SAE1: variants seen among roughly 807,000 people sequenced by gnomAD.
SAE1 encodes the protein SUMO-activating enzyme subunit 1.
A neutral mutation model predicts 40.6 loss-of-function variants in SAE1; 11 were observed. That is an observed-to-expected ratio of 0.27 (90% confidence interval 0.17 to 0.45). The LOEUF (loss-of-function observed/expected upper bound fraction) is 0.45. Ranked by LOEUF, SAE1 falls within the 20% of genes least tolerant of loss-of-function variation. SAE1 has a pLI of 1.00. For synonymous variants in SAE1, 155 were observed against 154.3 expected, an observed-to-expected ratio of 1.00 and a Z score of -0.03; for missense variants, 373 against 427.3, an observed-to-expected ratio of 0.87 and a Z score of 1.12.
At chr19:47,174,534 T>A (rs1218097061) in intron 6 of SAE1, among the ~76,000 whole-genome samples, 1 of 150,848 alleles carries the variant, frequency 6.6e-6, no homozygotes, top group East Asian at 1.9e-4. Flanking sequence ...GTAGCTGGGA[T>A]TACAGGCATA....
At chr19:47,185,330 CAG>C (rs1181514543) in intron 6 of SAE1, among the ~76,000 whole-genome samples, 3 of 151,638 alleles carry the variant, frequency 2.0e-5, no homozygotes, top group African/African-American at 4.9e-5. Context: ...ATTTTTGAGA[CAG>C]AGTCTTGCTC....
rs75776615 is a variant in SAE1, at chr19:47,183,865, C to T, written c.734-13368C>T. On this transcript the variant is annotated intron_variant, in intron 6 of 8. Transcript: ENST00000270225. ...TGCTGGGCTGGAGACAAGACCCTCT[C>T]TCCCTGCTGCTTGTGACCAGGCAGG... Among the ~76,000 whole-genome samples the T allele has an allele frequency of 1.6e-3, 250 of 152,342 alleles. 1 individual carries two copies. The highest frequency in any genetic ancestry group is 5.4e-3 in the African/African-American group (223 of 41,592).
intron 7 of SAE1, among the ~76,000 whole-genome samples, chr19:47,200,715 C>T (rs907888520): frequency 6.6e-5 from 10 of 152,110 alleles, no homozygotes; most frequent in African/African-American, 2.2e-4. Flanking sequence ...CTTGCCACCT[C>T]TTTTTGTAAA....
At chr19:47,159,208 A>G (rs1190575111) in intron 5 of SAE1, among the ~76,000 whole-genome samples, 1 of 152,230 alleles carries the variant, frequency 6.6e-6, no homozygotes, top group East Asian at 1.9e-4. Context: ...TTCATGAATT[A>G]GTTGAGAAAT....
chr19:47,161,115 C>A (rs1332540413), intron 5 of SAE1, among the ~76,000 whole-genome samples: 1 of 152,128 alleles, frequency 6.6e-6, no homozygotes, highest in Non-Finnish European at 1.5e-5. Context: ...GATCCTCCCA[C>A]CCACCTCAGT....
At chr19:47,154,239 C>T (rs1274377983) in intron 4 of SAE1, among the ~76,000 whole-genome samples, 1 of 151,824 alleles carries the variant, frequency 6.6e-6, no homozygotes, top group Admixed American at 6.6e-5. Flanking sequence ...TGCAGGCACC[C>T]GCCACCATGC....
chr19:47,154,734 G>A (rs1211202229), intron 4 of SAE1, among the ~76,000 whole-genome samples: 2 of 152,062 alleles, frequency 1.3e-5, no homozygotes, highest in African/African-American at 4.8e-5. Flanking sequence ...GACCTCAGGT[G>A]ACACGCCCGC....
intron 6 of SAE1, among the ~76,000 whole-genome samples, chr19:47,186,661 A>G (rs989537428): frequency 2.6e-5 from 4 of 152,140 alleles, no homozygotes; most frequent in African/African-American, 9.7e-5. Flanking sequence ...AACAACTTTC[A>G]TCCGGCGCCT....
At chr19:47,184,330 C>A (rs2058529380) in intron 6 of SAE1, among the ~76,000 whole-genome samples, 1 of 152,178 alleles carries the variant, frequency 6.6e-6, no homozygotes, top group African/African-American at 2.4e-5. Flanking sequence ...CCATAAGCCT[C>A]TCCTAAGCCC....
At chr19:47,157,010 C>A (rs932985376) in intron 5 of SAE1, among the ~76,000 whole-genome samples, 5 of 152,148 alleles carry the variant, frequency 3.3e-5, no homozygotes, top group African/African-American at 4.8e-5. Flanking sequence ...GAAAGAAAAA[C>A]AGCTGGTCAG....
intron 6 of SAE1, among the ~76,000 whole-genome samples, chr19:47,194,061 G>A (rs546974953): frequency 1.4e-4 from 22 of 152,044 alleles, no homozygotes; most frequent in Admixed American, 4.6e-4. Context: ...ATTTCTGAAC[G>A]TCTCCCAGGC....
At chr19:47,146,369 C>T (rs2058255527) in intron 2 of SAE1, among the ~76,000 whole-genome samples, 2 of 152,048 alleles carry the variant, frequency 1.3e-5, no homozygotes, top group African/African-American at 4.8e-5. Flanking sequence ...GCACAAAATA[C>T]AGGGCAGAAG....
chr19:47,177,078 A>T (rs1183520195), intron 6 of SAE1, among the ~76,000 whole-genome samples: 1 of 152,204 alleles, frequency 6.6e-6, no homozygotes, highest in Non-Finnish European at 1.5e-5. Context: ...TTATCAGAGA[A>T]TTCTTGGCAA....
chr19:47,147,451 G>T (rs930949504), intron 2 of SAE1, among the ~76,000 whole-genome samples: 2 of 150,894 alleles, frequency 1.3e-5, no homozygotes, highest in South Asian at 4.2e-4. Flanking sequence ...TCAATTATAT[G>T]TTTTTTTTGT....
intron 6 of SAE1, 76 bp downstream of exon 6, chr19:47,169,999 A>G (rs2058420910): frequency 2.7e-6 from 3 of 1,118,016 alleles, no homozygotes; most frequent in Non-Finnish European, 2.7e-6. Flanking sequence ...CAAGGTCCAG[A>G]TGGTTTTGTG....
At chr19:47,172,894 G>A (rs866277545) in intron 6 of SAE1, among the ~76,000 whole-genome samples, 10 of 152,270 alleles carry the variant, frequency 6.6e-5, no homozygotes, top group African/African-American at 2.4e-4. Context: ...TCAGGCAAGT[G>A]CTATTAACAC....
intron 8 of SAE1, 82 bp downstream of exon 8, chr19:47,203,822 C>T (rs1399995320): frequency 3.3e-6 from 4 of 1,214,390 alleles, no homozygotes; most frequent in African/African-American, 3.0e-5. Context: ...CTGTCTTAGA[C>T]AGCTGCCTGC....
At chr19:47,144,176 A>G (rs1469789808) in intron 2 of SAE1, among the ~76,000 whole-genome samples, 1 of 152,100 alleles carries the variant, frequency 6.6e-6, no homozygotes, top group Non-Finnish European at 1.5e-5. Context: ...TGTACTCAGT[A>G]TACAAAAATT....
intron 5 of SAE1, among the ~76,000 whole-genome samples, chr19:47,163,333 TAC>T (rs1440451882): frequency 6.6e-6 from 1 of 152,144 alleles, no homozygotes; most frequent in Non-Finnish European, 1.5e-5. Flanking sequence ...ACCAAACATG[TAC>T]AGACTTTTTT....
Sources: gnomAD v4.1 joint callset for allele counts (sites outside exome capture counted in the v4.1 genomes callset) on GRCh38, gnomAD v4.1.1 for gene constraint, MANE v1.5 for transcripts, NCBI Gene and HGNC (gene_info 2026-07-23, HGNC 2026-07-21) for gene names.